Variants in PLPP7 observed in about 807,000 individuals in gnomAD.
The protein encoded by PLPP7 is phospholipid phosphatase 7 (inactive), also known as inactive phospholipid phosphatase 7.
PLPP7 carries 11 observed loss-of-function variants against 16.9 expected under a neutral mutation model. The observed-to-expected ratio is 0.65, with a 90% CI of 0.41 to 1.08. PLPP7 has a LOEUF of 1.08. Ranked by LOEUF, PLPP7 falls within the 50% of genes least tolerant of loss-of-function variation. PLPP7 has a pLI of 0.00. For synonymous variants in PLPP7, 174 were observed against 175.1 expected (o/e 0.99, Z 0.05); for missense variants, 358 against 397.1 (o/e 0.90, Z 0.84).
intron 1 of PLPP7, among the ~76,000 whole-genome samples, chr9:131,299,687 G>A (rs561180011): frequency 3.3e-5 from 5 of 152,256 alleles, no homozygotes; most frequent in East Asian, 3.9e-4. Context: ...CACGCACCCC[G>A]TCACACCTGT....
chr9:131,296,863 T>C (rs1835739820), intron 1 of PLPP7, among the ~76,000 whole-genome samples: 1 of 152,236 alleles, frequency 6.6e-6, no homozygotes, highest in African/African-American at 2.4e-5. Flanking sequence ...TCCCATCCCC[T>C]GCCCTCTGGC....
intron 1 of PLPP7, among the ~76,000 whole-genome samples, chr9:131,301,110 A>C (rs1835794365): frequency 6.6e-6 from 1 of 152,134 alleles, no homozygotes; most frequent in Non-Finnish European, 1.5e-5. Flanking sequence ...CTGGGACTAC[A>C]GGTGCCTGCC....
intron 1 of PLPP7, among the ~76,000 whole-genome samples, chr9:131,297,537 C>T (rs1389810821): frequency 1.3e-5 from 2 of 152,066 alleles, no homozygotes; most frequent in Non-Finnish European, 2.9e-5. Context: ...AGGTGCCTGC[C>T]ACCACACCTG....
chr9:131,303,913 C>T (rs1322221568), intron 1 of PLPP7, among the ~76,000 whole-genome samples: 1 of 152,194 alleles, frequency 6.6e-6, no homozygotes, highest in Non-Finnish European at 1.5e-5. Context: ...GCTGTGATGC[C>T]TGTGAGCTTT....
intron 1 of PLPP7, among the ~76,000 whole-genome samples, chr9:131,303,042 G>A (rs942513592): frequency 6.6e-6 from 1 of 152,122 alleles, no homozygotes; most frequent in Non-Finnish European, 1.5e-5. Flanking sequence ...TTAAATCTAT[G>A]CTCCAAAGGC....
intron 1 of PLPP7, among the ~76,000 whole-genome samples, chr9:131,307,289 T>C (rs1835864114): frequency 6.9e-6 from 1 of 144,988 alleles, no homozygotes; most frequent in South Asian, 2.2e-4. Context: ...CAGTGGCTCA[T>C]ACCTGTAATC....
intron 1 of PLPP7, among the ~76,000 whole-genome samples, chr9:131,296,649 C>A (rs183646005): frequency 6.6e-6 from 1 of 152,366 alleles, no homozygotes; most frequent in East Asian, 1.9e-4. Flanking sequence ...GGAAGAGCCT[C>A]TGCCGCAGCT....
intron 1 of PLPP7, chr9:131,291,071 T>C: frequency 7.3e-7 from 1 of 1,366,280 alleles, no homozygotes; most frequent in South Asian, 1.1e-5. Flanking sequence ...CAGTTGTGGG[T>C]TTGTTTGTTT....
In PLPP7 at chr9:131,304,528, G is replaced by A. The variant is rs749920573; in HGVS notation, c.452-3395G>A. Among the ~76,000 whole-genome samples, 29 of 152,236 alleles carry A rather than the reference G, an allele frequency of 1.9e-4. 1 individual carries two copies. The highest frequency in any genetic ancestry group is 3.4e-3 in the Middle Eastern group (1 of 294). On this transcript the variant is annotated intron_variant, in intron 1 of 1. Coordinates refer to ENST00000372264, the MANE Select transcript of PLPP7 (RefSeq NM_032728.4). The stretch of plus-strand genomic sequence containing the variant: ...CAGGTACCTGTTGTCCTGGCTACTC[G>A]GGAGGCTGAGGCAGGAGAATCACTT...
At chr9:131,302,642 C>G (rs77711952) in intron 1 of PLPP7, among the ~76,000 whole-genome samples, 35 of 152,344 alleles carry the variant, frequency 2.3e-4, no homozygotes, top group African/African-American at 7.5e-4. Flanking sequence ...TTTCTCGAGG[C>G]CTTCAGGCCC....
rs59151233 is a variant in PLPP7 at position 131,301,813 on chromosome 9, CTTTT to C, written c.452-6092_452-6089del. On this transcript the variant is annotated intron_variant, in intron 1 of 1. Coordinates refer to ENST00000372264, the MANE Select transcript of PLPP7 (RefSeq NM_032728.4). Reference sequence around the variant, plus strand: ...GCGCTGAGAGGGGAAGGAACTTGTTCTTTTTTTTTTTTTTTTTTTTTGAGACGGA... The same window carrying C: ...GCGCTGAGAGGGGAAGGAACTTGTTCTTTTTTTTTTTTTTTTTGAGACGGA... 1.1e-3 allele frequency among the ~76,000 whole-genome samples: 123 copies of C among 114,732 alleles called. 1 individual carries two copies. Among genetic ancestry groups the C allele is most frequent in the Middle Eastern group, 4.6e-3 (1 of 216 alleles). The allele number at this position is 114,732 out of a possible 152,430, so 75.3% of individuals were successfully genotyped here. A position where few individuals can be genotyped will look rare whatever the true frequency, so the allele number is the denominator to read the frequency against.
In PLPP7 at chr9:131,290,749, C is replaced by G. The variant is rs900738666; in HGVS notation, c.451+301C>G. Among the ~76,000 whole-genome samples, 1 of 152,206 alleles carries G rather than the reference C, an allele frequency of 6.6e-6. No homozygotes were observed. Among genetic ancestry groups the G allele is most frequent in the Non-Finnish European group, 1.5e-5 (1 of 68,018 alleles). On this transcript the variant is annotated intron_variant, in intron 1 of 1. Transcript: ENST00000372264. The surrounding 1 kb of genome is among the most constrained non-coding windows in gnomAD (Gnocchi z 4.2). ...TGCCCAGAGGCAGCTTGAAGGGAGGCTGGGCCAGAGGCGGTGGCCTCAAGG... is the reference window on the plus strand; with the variant it reads ...TGCCCAGAGGCAGCTTGAAGGGAGGGTGGGCCAGAGGCGGTGGCCTCAAGG...
rs967554268 is a variant in PLPP7 at position 131,295,634 on chromosome 9, C to G, written c.451+5186C>G. On this transcript the variant is annotated intron_variant, in intron 1 of 1. Transcript: ENST00000372264. This position sits in a 1 kb window ranked among gnomAD's most constrained non-coding sequence, Gnocchi z 4.0. ...TCTTTCATCTTAAAACACAGAAGCT[C>G]TGTCCCCATTAAGCACTGACTCCCC... 1.3e-5 allele frequency among the ~76,000 whole-genome samples: 2 copies of G among 152,124 alleles called. No homozygotes were observed. Among genetic ancestry groups the G allele is most frequent in the African/African-American group, 2.4e-5 (1 of 41,436 alleles).
chr9:131,307,551 C>CAAAAAAAAAA (rs57469502), intron 1 of PLPP7, among the ~76,000 whole-genome samples: 4 of 60,588 alleles, frequency 6.6e-5, no homozygotes, highest in African/African-American at 3.0e-4. Flanking sequence ...AACTCTGTCT[C>CAAAAAAAAAA]AAAAAAAAAA....
At chr9:131,291,110 G>A (rs1263390370) in intron 1 of PLPP7, 2 of 1,366,564 alleles carry the variant, frequency 1.5e-6, no homozygotes, top group East Asian at 4.5e-5. Flanking sequence ...ATGTCTTGCA[G>A]ATTAGCACCG....
chr9:131,298,895 G>A (rs1044327570), intron 1 of PLPP7, among the ~76,000 whole-genome samples: 4 of 152,194 alleles, frequency 2.6e-5, no homozygotes, highest in Admixed American at 2.0e-4. Context: ...AGGGCCCCGG[G>A]GACAGCTGTG....
At chr9:131,305,773 C>T (rs1436958445) in intron 1 of PLPP7, among the ~76,000 whole-genome samples, 3 of 152,040 alleles carry the variant, frequency 2.0e-5, no homozygotes, top group South Asian at 2.1e-4. Context: ...AAACTACAGG[C>T]GTATGCCATC....
rs577635649 is a variant in PLPP7, at chr9:131,306,411, G to A, written c.452-1512G>A. Among the ~76,000 whole-genome samples the A allele has an allele frequency of 3.1e-4, 46 of 146,962 alleles. No individual in the cohort carries two copies. The South Asian group carries it at 8.0e-3, about 26-fold the overall frequency. ...ACAAAAATTAGCCAGGCGAGGCAGC[G>A]TGCGCCTGTAATCCCAGCTACTCAG... On this transcript the variant is annotated intron_variant, in intron 1 of 1. Transcript: ENST00000372264.
rs1326318391 is a variant in PLPP7, at chr9:131,289,928, CTCTTG to C, written c.-65_-61del. 2 of 1,293,944 alleles carry C rather than the reference CTCTTG, an allele frequency of 1.5e-6. No individual in the cohort carries two copies. The highest frequency in any genetic ancestry group is 2.0e-6 in the Non-Finnish European group (2 of 1,006,828). The allele number at this position is 1,293,944 out of a possible 1,614,324, so 80.2% of individuals were successfully genotyped here. On this transcript the variant is annotated 5_prime_UTR_variant, in exon 1 of 2. Transcript: ENST00000372264. ...GCCACGGTGGCGGCTCTGGGGGCAG[CTCTTG>C]TCTTCGGGGAGAAGGCCCTTGGAGC... is the stretch of plus-strand genomic sequence containing the variant.
Sources: gnomAD v4.1 joint callset for allele counts (sites outside exome capture counted in the v4.1 genomes callset) on GRCh38, gnomAD v4.1.1 for gene constraint, Gnocchi (gnomAD v3.1) non-coding constraint, MANE v1.5 for transcripts, NCBI Gene and HGNC (gene_info 2026-07-23, HGNC 2026-07-21) for gene names.